The following PHF21A variants were observed in gnomAD, a reference collection of about 807,000 sequenced individuals.
PHF21A encodes the protein PHD finger protein 21A, also known as BHC80a.
A neutral mutation model predicts 82.5 loss-of-function variants in PHF21A; 11 were observed. That is an observed-to-expected ratio of 0.13 (90% CI 0.08 to 0.22). PHF21A has a LOEUF of 0.22. Ranked by LOEUF, PHF21A falls within the 10% of genes least tolerant of loss-of-function variation. The pLI is 1.00. For missense variants in PHF21A, 579 were observed against 837.8 expected (o/e 0.69, Z 3.81); for synonymous variants, 297 against 302.8 (o/e 0.98, Z 0.20).
intron 8 of PHF21A, 41 bp downstream of exon 8, chr11:45,971,075 C>T (rs1565328949): frequency 6.2e-7 from 1 of 1,608,970 alleles, no homozygotes; most frequent in East Asian, 2.2e-5. Flanking sequence ...GTATCCTAAC[C>T]TTCTCATGTG....
intron 7 of PHF21A, among the ~76,000 whole-genome samples, chr11:45,973,337 G>A (rs914852188): frequency 7.2e-5 from 11 of 152,130 alleles, no homozygotes; most frequent in African/African-American, 2.7e-4. Flanking sequence ...CTTCCCTTAT[G>A]AATTTCTATT....
intron 1 of PHF21A, among the ~76,000 whole-genome samples, chr11:46,120,203 C>T (rs1852734582): frequency 6.7e-6 from 1 of 149,498 alleles, no homozygotes; most frequent in African/African-American, 2.4e-5. Flanking sequence ...TTTTTTTAAA[C>T]CAGATCCCTC....
At chr11:46,102,229 A>G (rs1460756325) in intron 1 of PHF21A, among the ~76,000 whole-genome samples, 1 of 152,220 alleles carries the variant, frequency 6.6e-6, no homozygotes, top group Non-Finnish European at 1.5e-5. Flanking sequence ...GATTACAGGC[A>G]TGAGCCACTA....
chr11:46,072,034 T>C (rs2096662210), intron 6 of PHF21A, among the ~76,000 whole-genome samples: 1 of 152,198 alleles, frequency 6.6e-6, no homozygotes, highest in South Asian at 2.1e-4. Context: ...AATATTATAC[T>C]AGGAATAAAA....
rs1013629415 is a variant in PHF21A at position 46,070,336 on chromosome 11, A to AT, written c.153+6417dup. Among the ~76,000 whole-genome samples, 1,210 of 146,638 alleles carry AT rather than the reference A, an allele frequency of 8.3e-3. 10 individuals carry two copies. Among genetic ancestry groups the AT allele is most frequent in the African/African-American group, 0.025 (1,022 of 40,342 alleles). ...AGATCTGTAAGAAATGGTGACTATA[A>AT]TTTTTTTTTTTTTGAGACGAGTCTC... On this transcript the variant is annotated intron_variant, in intron 6 of 18. Coordinates refer to ENST00000676320, the MANE Select transcript of PHF21A (RefSeq NM_001352027.3).
intron 6 of PHF21A, among the ~76,000 whole-genome samples, chr11:45,998,828 T>G (rs1300454064): frequency 6.6e-5 from 7 of 106,370 alleles, no homozygotes; most frequent in African/African-American, 3.8e-4. Context: ...CCTTTTTTTG[T>G]TTTTGTTTTT....
chr11:45,956,416 T>G (rs901384491), intron 10 of PHF21A, among the ~76,000 whole-genome samples: 10 of 152,162 alleles, frequency 6.6e-5, no homozygotes, highest in African/African-American at 2.4e-4. Flanking sequence ...GGGGCAGAGC[T>G]GTATAGGAGC....
intron 6 of PHF21A, among the ~76,000 whole-genome samples, chr11:46,067,079 C>T (rs1006227376): frequency 1.3e-5 from 2 of 152,078 alleles, no homozygotes; most frequent in African/African-American, 2.4e-5. Context: ...TACTAATGCA[C>T]CTTATGTATT....
chr11:46,064,549 G>C (rs1349834531), intron 6 of PHF21A, among the ~76,000 whole-genome samples: 1 of 152,062 alleles, frequency 6.6e-6, no homozygotes, highest in East Asian at 1.9e-4. Context: ...TAATTTTGCA[G>C]GACAGCCTCC....
At chr11:46,063,171 ATT>A (rs1016136453) in intron 6 of PHF21A, among the ~76,000 whole-genome samples, 2 of 152,212 alleles carry the variant, frequency 1.3e-5, no homozygotes, top group African/African-American at 4.8e-5. Flanking sequence ...TTCAAAATGA[ATT>A]GAATTCGCCG....
Position 45,982,877 on chromosome 11 carries a change from T to C in PHF21A, c.154-2911A>G, listed in dbSNP as rs1405485691. ...CATGACACCTGCCAAAAAATAAACTTTGGACAAAAACAGCACAGGAAACTA... is the reference window on the plus strand; with the variant it reads ...CATGACACCTGCCAAAAAATAAACTCTGGACAAAAACAGCACAGGAAACTA... On this transcript the variant is annotated intron_variant, in intron 6 of 18. Transcript: ENST00000676320. 5.9e-5 allele frequency among the ~76,000 whole-genome samples: 9 copies of C among 152,206 alleles called. No homozygotes were observed. The South Asian group carries it at 1.0e-3, about 18-fold the overall frequency.
intron 6 of PHF21A, among the ~76,000 whole-genome samples, chr11:46,047,301 T>C (rs1346177228): frequency 6.6e-6 from 1 of 152,210 alleles, no homozygotes; most frequent in East Asian, 1.9e-4. Context: ...TGGTTACTAT[T>C]ATACACTGCT....
intron 15 of PHF21A, among the ~76,000 whole-genome samples, chr11:45,938,939 T>A (rs2089766382): frequency 6.6e-6 from 1 of 151,990 alleles, no homozygotes; most frequent in Admixed American, 6.6e-5. Flanking sequence ...GTTCACGCCA[T>A]TCTCCTGCCT....
At chr11:45,980,287 A>G (rs1591542868) in intron 6 of PHF21A, among the ~76,000 whole-genome samples, 2 of 152,324 alleles carry the variant, frequency 1.3e-5, no homozygotes, top group South Asian at 4.1e-4. Flanking sequence ...CGTAGCAGTA[A>G]AAAGCAGGAC....
At chr11:46,081,176 C>T (rs2096787010) in intron 4 of PHF21A, among the ~76,000 whole-genome samples, 1 of 152,162 alleles carries the variant, frequency 6.6e-6, no homozygotes, top group East Asian at 1.9e-4. Flanking sequence ...TGCTAAGACA[C>T]ATTTTAGATA....
intron 1 of PHF21A, among the ~76,000 whole-genome samples, chr11:46,108,598 G>A (rs1006349776): frequency 2.1e-5 from 3 of 143,436 alleles, no homozygotes; most frequent in East Asian, 4.4e-4. Flanking sequence ...AAATACATAT[G>A]TAAATGCACA....
chr11:45,999,606 T>C (rs1348890598), intron 6 of PHF21A, among the ~76,000 whole-genome samples: 1 of 152,190 alleles, frequency 6.6e-6, no homozygotes, highest in Admixed American at 6.5e-5. Context: ...AAAAAATGTA[T>C]AATTTAGGAG....
At position 45,934,017 on chromosome 11, in the gene PHF21A, G is replaced by C; in HGVS notation, c.1997C>G (p.Ser666Cys). 6.2e-7 allele frequency: 1 copy of C among 1,610,400 alleles called. No individual in the cohort carries two copies. The highest frequency in any genetic ancestry group is 8.5e-7 in the Non-Finnish European group (1 of 1,178,176). ...ACAGTTCGCTGTGCAGCTCTGGGAGGAGGGGGAAGGGGCCGGCGTGGAGGT... is the reference window on the plus strand; with the variant it reads ...ACAGTTCGCTGTGCAGCTCTGGGAGCAGGGGGAAGGGGCCGGCGTGGAGGT... ...AATSTPAPSP[S>C]SQSCTANCNQ... Residue 666 changes from serine (S) to cysteine (C), a missense_variant, in exon 19 of 19, where the codon TCC becomes TGC. Physicochemically the swap from Ser to Cys is moderately radical, Grantham distance 112. Around this residue, in one of 3 missense-constraint regions of PHF21A, gnomAD observed 157 missense variants for 149.4 expected, o/e 1.05. Transcript: ENST00000676320.
At chr11:46,005,295 A>T (rs997413905) in intron 6 of PHF21A, among the ~76,000 whole-genome samples, 1 of 152,212 alleles carries the variant, frequency 6.6e-6, no homozygotes, top group Admixed American at 6.5e-5. Flanking sequence ...GTACAAAATG[A>T]TGTAAAATAT....
Sources: allele counts gnomAD v4.1 joint callset (sites outside exome capture counted in the v4.1 genomes callset), GRCh38; gene constraint gnomAD v4.1.1; regional missense constraint gnomAD v4.1.1; transcripts MANE v1.5; gene names NCBI Gene and HGNC (gene_info 2026-07-23, HGNC 2026-07-21).